PDE7A: variants seen among roughly 807,000 people sequenced by gnomAD.
PDE7A encodes the protein high affinity 3',5'-cyclic-AMP phosphodiesterase 7A.
PDE7A carries 39 observed loss-of-function variants against 64.3 expected under a neutral mutation model. The observed-to-expected ratio is 0.61, with a 90% CI of 0.47 to 0.79. The LOEUF is 0.79. Ranked by LOEUF, PDE7A falls within the 30% of genes least tolerant of loss-of-function variation. The pLI is 0.00. For missense variants in PDE7A, 470 were observed against 582.8 expected (o/e 0.81, Z 1.99); for synonymous variants, 203 against 206.8 (o/e 0.98, Z 0.16).
chr8:65,715,606 G>A lies in PDE7A; in HGVS notation c.*3684C>T, dbSNP rs1233249548. ...TTGGCCAGACTGGTCTCGAACTCCCGACCTCAGGTGATCCACCCACCTCAG... is the reference window on the plus strand; with the variant it reads ...TTGGCCAGACTGGTCTCGAACTCCCAACCTCAGGTGATCCACCCACCTCAG... On this transcript the variant is annotated 3_prime_UTR_variant, in exon 13 of 13. Transcript: ENST00000401827. Among the ~76,000 whole-genome samples the A allele has an allele frequency of 1.3e-5, 2 of 150,274 alleles. No homozygotes were observed. The highest frequency in any genetic ancestry group is 2.1e-4 in the East Asian group (1 of 4,814).
chr8:65,838,588 T>C (rs1007582012), intron 1 of PDE7A: 1 of 152,220 alleles, frequency 6.6e-6, no homozygotes, highest in African/African-American at 2.4e-5. Context: ...ATGGAAATCT[T>C]TTTAAAAACA....
chr8:65,806,232 C>T (rs1487165369), intron 1 of PDE7A, among the ~76,000 whole-genome samples: 1 of 152,034 alleles, frequency 6.6e-6, no homozygotes, highest in African/African-American at 2.4e-5. Context: ...AAACTATCTC[C>T]CAAATGATAA....
At chr8:65,816,694 T>C (rs1810412109) in intron 1 of PDE7A, among the ~76,000 whole-genome samples, 1 of 152,210 alleles carries the variant, frequency 6.6e-6, no homozygotes, top group South Asian at 2.1e-4. Flanking sequence ...CCACCAATAC[T>C]GATGAGAAAG....
chr8:65,771,589 C>G (rs753983690), intron 3 of PDE7A, among the ~76,000 whole-genome samples: 29 of 152,084 alleles, frequency 1.9e-4, no homozygotes, highest in Non-Finnish European at 1.3e-4. Context: ...GCTGGGCGCA[C>G]GCAGTGGCTC....
At chr8:65,754,950 C>T (rs527618421) in intron 3 of PDE7A, among the ~76,000 whole-genome samples, 14 of 150,188 alleles carry the variant, frequency 9.3e-5, no homozygotes, top group African/African-American at 2.7e-4. Context: ...GGCGACAGAG[C>T]GAGACTCCCT....
At chr8:65,798,271 G>A (rs528852479) in intron 1 of PDE7A, among the ~76,000 whole-genome samples, 34 of 147,586 alleles carry the variant, frequency 2.3e-4, no homozygotes, top group Non-Finnish European at 2.8e-4. Flanking sequence ...GTGCAGTGGC[G>A]TAATCTTGGC....
At chr8:65,833,081 T>G (rs1810871408) in intron 1 of PDE7A, among the ~76,000 whole-genome samples, 1 of 152,222 alleles carries the variant, frequency 6.6e-6, no homozygotes. Context: ...TGCACAGCAA[T>G]CAACAACACA....
intron 3 of PDE7A, among the ~76,000 whole-genome samples, chr8:65,769,114 G>T (rs1808945792): frequency 6.6e-6 from 1 of 151,842 alleles, no homozygotes; most frequent in African/African-American, 2.4e-5. Flanking sequence ...CGGGCGTGAT[G>T]GCAGGCGCCT....
rs1281359165 is a variant in PDE7A, at chr8:65,715,981, A to G, written c.*3309T>C. Among the ~76,000 whole-genome samples the G allele has an allele frequency of 7.8e-6, 1 of 127,398 alleles. No homozygotes were observed. The highest frequency in any genetic ancestry group is 1.6e-5 in the Non-Finnish European group (1 of 61,714). 83.6% of individuals were successfully genotyped at this position (127,398 alleles called of 152,430 possible). A position where few individuals can be genotyped will look rare whatever the true frequency, so the allele number is the denominator to read the frequency against. On this transcript the variant is annotated 3_prime_UTR_variant, in exon 13 of 13. Transcript: ENST00000401827. ...CACTGCACTCCAGCCTGGGCGACAG[A>G]GCAAGGCTCTGTCTCAAAAAAAAAA... is the stretch of plus-strand genomic sequence containing the variant.
rs1192516819 is a variant in PDE7A at position 65,719,313 on chromosome 8, G to GT, written c.1425dup (p.Pro476ThrfsTer37). On this transcript the variant is annotated frameshift_variant, in exon 13 of 13. Coordinates refer to ENST00000401827, the MANE Select transcript of PDE7A (RefSeq NM_001242318.3). LOFTEE classifies it high-confidence loss of function. ...GGTTATGATAACCGATTTTCCTGAGGTAATAACTGTGAGTTCAACTCAAAT... is the reference window on the plus strand; with the variant it reads ...GGTTATGATAACCGATTTTCCTGAGGTTAATAACTGTGAGTTCAACTCAAAT... 1 of 1,613,726 alleles carries GT rather than the reference G, an allele frequency of 6.2e-7. No homozygotes were observed. The highest frequency in any genetic ancestry group is 1.7e-5 in the Admixed American group (1 of 60,014).
chr8:65,771,902 A>G (rs1007733181), intron 3 of PDE7A, among the ~76,000 whole-genome samples: 16 of 151,262 alleles, frequency 1.1e-4, no homozygotes, highest in African/African-American at 3.6e-4. Flanking sequence ...AAAAAAAAAA[A>G]AAAAAGAAGA....
At chr8:65,766,340 T>C (rs780810310) in intron 3 of PDE7A, among the ~76,000 whole-genome samples, 1 of 152,250 alleles carries the variant, frequency 6.6e-6, no homozygotes, top group African/African-American at 2.4e-5. Context: ...ACCAAGTATA[T>C]GGCTAATTGA....
At chr8:65,746,060 A>G (rs1807660228) in intron 4 of PDE7A, among the ~76,000 whole-genome samples, 1 of 151,902 alleles carries the variant, frequency 6.6e-6, no homozygotes, top group East Asian at 1.9e-4. Flanking sequence ...CCTCCCGAGA[A>G]GCTGGGACTA....
At chr8:65,727,467 G>T in intron 7 of PDE7A, 166 bp from the exon 8 acceptor site, 1 of 876,312 alleles carries the variant, frequency 1.1e-6, no homozygotes. Flanking sequence ...CATCTGCCAG[G>T]TCCTGATCTC....
intron 1 of PDE7A, among the ~76,000 whole-genome samples, chr8:65,832,107 TA>T (rs1373207500): frequency 2.6e-5 from 4 of 152,228 alleles, no homozygotes; most frequent in Non-Finnish European, 5.9e-5. Flanking sequence ...TTTCTTCACT[TA>T]ATTATGTTGC....
intron 9 of PDE7A, among the ~76,000 whole-genome samples, chr8:65,726,454 T>C (rs1806615384): frequency 6.6e-6 from 1 of 152,226 alleles, no homozygotes; most frequent in South Asian, 2.1e-4. Flanking sequence ...TTGTCAGTTT[T>C]GAAAACTTCT....
At chr8:65,814,086 G>A (rs1313323619) in intron 1 of PDE7A, among the ~76,000 whole-genome samples, 1 of 151,626 alleles carries the variant, frequency 6.6e-6, no homozygotes, top group African/African-American at 2.4e-5. Context: ...TGAAGACCTT[G>A]GCTTACATAA....
Position 65,730,941 on chromosome 8 carries a change from AATAAAAAC to A in PDE7A, c.697-3648_697-3641del, listed in dbSNP as rs1295703804. Among the ~76,000 whole-genome samples the A allele has an allele frequency of 7.2e-5, 11 of 152,202 alleles. No individual in the cohort carries two copies. In the East Asian group the frequency reaches 1.9e-3, roughly 27 times the overall value. On this transcript the variant is annotated intron_variant, in intron 7 of 12. Transcript: ENST00000401827. ...CCATCTGAAAAACAAAACAGAACAA[AATAAAAAC>A]ATAAAAACAGAGAACAGTTAGAGTA...
chr8:65,831,035 A>C (rs1244946807), intron 1 of PDE7A, among the ~76,000 whole-genome samples: 2 of 152,098 alleles, frequency 1.3e-5, no homozygotes, highest in African/African-American at 4.8e-5. Flanking sequence ...TATACATTTA[A>C]AATTGTGATT....
Sources: allele counts gnomAD v4.1 joint callset (sites outside exome capture counted in the v4.1 genomes callset), GRCh38; gene constraint gnomAD v4.1.1; transcripts MANE v1.5; gene names NCBI Gene and HGNC (gene_info 2026-07-23, HGNC 2026-07-21).